Variants in ZNF266 observed in about 807,000 individuals in gnomAD.
ZNF266 encodes the protein zinc finger protein 1.
Under a neutral mutation model 16.4 loss-of-function variants are expected in ZNF266, and 16 were observed. The ratio of observed to expected loss-of-function variants is 0.98; its 90% CI spans 0.66 to 1.48. The LOEUF (loss-of-function observed/expected upper bound fraction) is 1.48. ZNF266 is among the 40% of genes most tolerant of loss of function. The probability of loss-of-function intolerance (pLI) is 0.00; values close to 1 mark genes in which losing one functional copy is unlikely to be tolerated. For missense variants in ZNF266, 738 were observed against 689.1 expected (o/e 1.07, Z -0.79); for synonymous variants, 262 against 237.9 (o/e 1.10, Z -0.93).
intron 5 of ZNF266, among the ~76,000 whole-genome samples, chr19:9,421,183 G>T (rs2069820854): frequency 6.6e-6 from 1 of 152,098 alleles, no homozygotes; most frequent in South Asian, 2.1e-4. Flanking sequence ...CATTATCCAT[G>T]AACCAGATAC....
intron 5 of ZNF266, among the ~76,000 whole-genome samples, chr19:9,422,920 T>C (rs1464799858): frequency 6.6e-6 from 1 of 152,076 alleles, no homozygotes; most frequent in Admixed American, 6.5e-5. Context: ...ACCAGAGTGG[T>C]AACAAGGAAA....
At chr19:9,426,836 A>T (rs1340134402) in intron 5 of ZNF266, among the ~76,000 whole-genome samples, 1 of 152,144 alleles carries the variant, frequency 6.6e-6, no homozygotes, top group Admixed American at 6.5e-5. Context: ...AGGAGAAAAA[A>T]AATAGGTACG....
At chr19:9,434,469 A>G (rs529961803) in intron 3 of ZNF266, among the ~76,000 whole-genome samples, 1 of 152,346 alleles carries the variant, frequency 6.6e-6, no homozygotes, top group African/African-American at 2.4e-5. Context: ...AACACGGCAC[A>G]GAATACAATC....
rs188411667 is a variant in ZNF266 at position 9,416,148 on chromosome 19, G to A, written c.317-406C>T. Among the ~76,000 whole-genome samples the A allele has an allele frequency of 2.4e-3, 364 of 151,894 alleles. 6 individuals are homozygous for A. The highest frequency in any genetic ancestry group is 0.017 in the Admixed American group (266 of 15,248). ...CTGTATTTGTTTTCAAATTAAACAC[G>A]GTAACAAAAAACAAACACAAAGACA... On this transcript the variant is annotated intron_variant, in intron 9 of 10. Coordinates refer to ENST00000592904, the MANE Select transcript of ZNF266 (RefSeq NM_001370374.1).
intron 8 of ZNF266, 152 bp downstream of exon 8, chr19:9,418,353 G>A: frequency 2.5e-6 from 2 of 799,156 alleles, no homozygotes; most frequent in South Asian, 1.7e-5. Context: ...ACCACATTTT[G>A]AGAATCACCA....
intron 5 of ZNF266, among the ~76,000 whole-genome samples, chr19:9,421,667 T>C (rs2069905033): frequency 6.6e-6 from 1 of 152,154 alleles, no homozygotes; most frequent in Non-Finnish European, 1.5e-5. Context: ...ACATCCTATC[T>C]TCATTTTTCT....
In ZNF266 at chr19:9,414,206, T is replaced by A; in HGVS notation, c.920A>T (p.Tyr307Phe). Reference protein sequence around the residue: ...HMGTHTGDNPYECKECGKAFT... With the variant: ...HMGTHTGDNPFECKECGKAFT... ...GGCTTTCCCACACTCCTTACACTCA[T>A]AGGGATTGTCTCCAGTGTGGGTTCC... Residue 307 changes from tyrosine (Y) to phenylalanine (F), a missense_variant, in exon 11 of 11, where the codon TAT becomes TTT. Coordinates refer to ENST00000592904, the MANE Select transcript of ZNF266 (RefSeq NM_001370374.1). 1 of 1,614,216 alleles carries A rather than the reference T, an allele frequency of 6.2e-7. No individual in the cohort carries two copies. The highest frequency in any genetic ancestry group is 1.3e-5 in the African/African-American group (1 of 75,072).
In ZNF266 at chr19:9,414,395, G is replaced by A; in HGVS notation, c.731C>T (p.Thr244Ile). Residue 244 changes from threonine to isoleucine, a missense_variant, in exon 11 of 11, where the codon ACT (threonine) becomes ATT (isoleucine). Thr to Ile is a moderately conservative substitution (Grantham distance 89). Transcript: ENST00000592904. Reference protein sequence around the residue: ...NHSHLQGHLRTHNGESLHEWK... With the variant: ...NHSHLQGHLRIHNGESLHEWK... Reference sequence around the variant, plus strand: ...TTCATGGAGACTTTCTCCATTGTGAGTTCTTAAATGTCCCTGAAGGTGTGA... The same window carrying A: ...TTCATGGAGACTTTCTCCATTGTGAATTCTTAAATGTCCCTGAAGGTGTGA... 1.9e-6 allele frequency: 3 copies of A among 1,614,170 alleles called. No homozygotes were observed. Among genetic ancestry groups the A allele is most frequent in the East Asian group, 2.2e-5 (1 of 44,884 alleles).
chr19:9,425,640 T>C (rs1296983369), intron 5 of ZNF266, among the ~76,000 whole-genome samples: 1 of 152,228 alleles, frequency 6.6e-6, no homozygotes, highest in Non-Finnish European at 1.5e-5. Context: ...CTCCACAGCC[T>C]GCTGGGGTAC....
chr19:9,416,337 C>G (rs1015734645), intron 9 of ZNF266, among the ~76,000 whole-genome samples: 50 of 143,168 alleles, frequency 3.5e-4, no homozygotes, highest in Middle Eastern at 3.5e-3. Context: ...AAGCACACAT[C>G]AAAACAAGGA....
chr19:9,413,939 CAT>C lies in ZNF266; in HGVS notation c.1185_1186del (p.Ile395MetfsTer6), dbSNP rs749552442. On this transcript the variant is annotated frameshift_variant, in exon 11 of 11. Coordinates refer to ENST00000592904, the MANE Select transcript of ZNF266 (RefSeq NM_001370374.1). LOFTEE classifies it low-confidence loss of function (END_TRUNC). Reference sequence around the variant, plus strand: ...TGAGGAATTTCTAAAGGATTTTCCACATATCTTACATTCAAAGGGATCCTTTG... The same window carrying C: ...TGAGGAATTTCTAAAGGATTTTCCACATCTTACATTCAAAGGGATCCTTTG... 39 of 1,614,030 alleles carry C rather than the reference CAT, an allele frequency of 2.4e-5. No homozygotes were observed. Among genetic ancestry groups the C allele is most frequent in the Middle Eastern group, 1.6e-4 (1 of 6,084 alleles).
At chr19:9,418,415 G>A in intron 8 of ZNF266, 90 bp downstream of exon 8, 1 of 1,360,210 alleles carries the variant, frequency 7.4e-7, no homozygotes, top group Non-Finnish European at 1.1e-6. Flanking sequence ...TTCCCATTGT[G>A]TTCAGAGTTG....
chr19:9,421,086 T>G (rs900609972), intron 5 of ZNF266, among the ~76,000 whole-genome samples: 3 of 152,174 alleles, frequency 2.0e-5, no homozygotes, highest in Admixed American at 1.3e-4. Context: ...ATCACAATCT[T>G]TAATAAATCA....
chr19:9,415,646 A>T lies in ZNF266; in HGVS notation c.405+8T>A. The T allele has an allele frequency of 9.4e-6, 15 of 1,602,116 alleles. No homozygotes were observed. The highest frequency in any genetic ancestry group is 1.3e-5 in the Non-Finnish European group (15 of 1,169,992). On this transcript the variant is annotated splice_region_variant and intron_variant, in intron 10 of 10. Transcript: ENST00000592904. ...GTGAAAACTAAGACGTATCCTTGTT[A>T]ATCTTACCATTTGAATCCCACTGGA...
intron 5 of ZNF266, among the ~76,000 whole-genome samples, chr19:9,422,099 C>A (rs914154880): frequency 6.6e-6 from 1 of 152,218 alleles, no homozygotes; most frequent in African/African-American, 2.4e-5. Flanking sequence ...GATCTGCCCG[C>A]CTCGGCCTCC....
intron 5 of ZNF266, among the ~76,000 whole-genome samples, chr19:9,433,455 AAAC>A (rs1280358198): frequency 9.2e-5 from 14 of 152,358 alleles, no homozygotes; most frequent in African/African-American, 2.6e-4. Flanking sequence ...GAATTGAAAA[AAAC>A]AACGAGAGAA....
At chr19:9,423,830 T>C (rs1167475337) in intron 5 of ZNF266, among the ~76,000 whole-genome samples, 10 of 152,090 alleles carry the variant, frequency 6.6e-5, no homozygotes, top group Non-Finnish European at 1.2e-4. Context: ...ACCCCGTCTC[T>C]ACTAAAAACA....
chr19:9,429,360 A>C (rs192166847), intron 5 of ZNF266, among the ~76,000 whole-genome samples: 2 of 152,174 alleles, frequency 1.3e-5, no homozygotes, highest in East Asian at 3.9e-4. Context: ...ACCTGAACCT[A>C]AACTTCCACC....
At chr19:9,421,201 C>A (rs1338348502) in intron 5 of ZNF266, among the ~76,000 whole-genome samples, 1 of 152,144 alleles carries the variant, frequency 6.6e-6, no homozygotes, top group African/African-American at 2.4e-5. Flanking sequence ...TACACCCCCA[C>A]AAGGACGCTA....
Sources: gnomAD v4.1 joint callset for allele counts (sites outside exome capture counted in the v4.1 genomes callset) on GRCh38, gnomAD v4.1.1 for gene constraint, MANE v1.5 for transcripts, NCBI Gene and HGNC (gene_info 2026-07-23, HGNC 2026-07-21) for gene names.